The following IGSF10 variants were observed in gnomAD, a reference collection of about 807,000 sequenced individuals.
The protein encoded by IGSF10 is immunoglobulin superfamily member 10.
Under a neutral mutation model 128.2 loss-of-function variants are expected in IGSF10, and 126 were observed. That is an observed-to-expected ratio of 0.98 (90% CI 0.85 to 1.14). IGSF10 has a LOEUF of 1.14. IGSF10 is among the 50% of genes most tolerant of loss of function. IGSF10 has a pLI of 0.00. For synonymous variants in IGSF10, 1,185 were observed against 1,146.2 expected (o/e 1.03, Z -0.68); for missense variants, 3,295 against 3,149.8 (o/e 1.05, Z -1.10).
At chr3:151,511,363 A>C in the IGSF10 span, among the ~76,000 whole-genome samples, 125,298 of 152,114 alleles carry the variant, frequency 0.82, 51,686 homozygotes, top group Middle Eastern at 0.93. Context: ...TCCAGCCAAA[A>C]TAAGCTTCAT....
At chr3:151,547,831 G>T in the IGSF10 span, among the ~76,000 whole-genome samples, 1 of 152,286 alleles carries the variant, frequency 6.6e-6, no homozygotes, top group East Asian at 1.9e-4. Context: ...CTTGCAAATG[G>T]AATTCTAGGT....
chr3:151,541,458 C>A, the IGSF10 span, among the ~76,000 whole-genome samples: 1 of 152,088 alleles, frequency 6.6e-6, no homozygotes, highest in Non-Finnish European at 1.5e-5. Context: ...GCCATAAATT[C>A]AGTTTTCTTA....
downstream of IGSF10, chr3:151,434,461 A>G (rs1276229145): frequency 6.6e-6 from 1 of 152,184 alleles, no homozygotes; most frequent in Non-Finnish European, 1.5e-5. Context: ...GCTGGAAAAG[A>G]CTTTGCCAAA....
the IGSF10 span, among the ~76,000 whole-genome samples, chr3:151,553,447 CA>C: frequency 6.6e-6 from 1 of 151,914 alleles, no homozygotes; most frequent in Admixed American, 6.6e-5. Context: ...GTTCTTAAAG[CA>C]ATACTTAGAT....
chr3:151,580,739 G>T, the IGSF10 span, among the ~76,000 whole-genome samples: 1 of 152,154 alleles, frequency 6.6e-6, no homozygotes, highest in Non-Finnish European at 1.5e-5. Flanking sequence ...TTCTACTGTG[G>T]TTCAGTTTCC....
chr3:151,481,457 C>G, the IGSF10 span, among the ~76,000 whole-genome samples: 2 of 152,156 alleles, frequency 1.3e-5, no homozygotes, highest in Admixed American at 6.5e-5. Context: ...AATTCAAGGC[C>G]TGAGGCTCTG....
At chr3:151,501,083 G>A in the IGSF10 span, among the ~76,000 whole-genome samples, 9 of 152,010 alleles carry the variant, frequency 5.9e-5, no homozygotes, top group African/African-American at 2.2e-4. Context: ...TACCACAGTG[G>A]TAACAAAAGC....
chr3:151,613,659 T>C, the IGSF10 span, among the ~76,000 whole-genome samples: 1 of 152,208 alleles, frequency 6.6e-6, no homozygotes, highest in East Asian at 1.9e-4. Context: ...CCTTACACCT[T>C]ATACAAAAAT....
chr3:151,468,745 T>G, the IGSF10 span, among the ~76,000 whole-genome samples: 1 of 152,318 alleles, frequency 6.6e-6, no homozygotes, highest in Middle Eastern at 3.4e-3. Flanking sequence ...TTTTTAAAAT[T>G]TATTTTACGT....
chr3:151,432,534 C>T (rs1719652626), downstream of IGSF10, among the ~76,000 whole-genome samples: 1 of 152,202 alleles, frequency 6.6e-6, no homozygotes, highest in South Asian at 2.1e-4. Flanking sequence ...ATCCTGCGGC[C>T]TTGCATTGGC....
At chr3:151,617,311 TTCTTCTTCCCCTCCTCCTCCTCCC>T in the IGSF10 span, among the ~76,000 whole-genome samples, 2 of 125,314 alleles carry the variant, frequency 1.6e-5, no homozygotes, top group African/African-American at 6.2e-5. Flanking sequence ...CTTCTTCTTC[TTCTTCTTCCCCTCCTCCTCCTCCC>T]CCTCCTCCTC....
rs375529138 is a variant in IGSF10 at position 151,437,477 on chromosome 3, C to A, written c.7084G>T (p.Asp2362Tyr). The change falls in exon 8 of 8, where the codon GAT becomes TAT. Residue 2362 changes from aspartate to tyrosine, a missense_variant. Physicochemically the swap from Asp to Tyr is radical, Grantham distance 160. Transcript: ENST00000282466. ...GKSTALNCSV[D>Y]GNPPPEIIWI... The stretch of plus-strand genomic sequence containing the variant: ...ATTATTTCAGGTGGTGGGTTACCAT[C>A]AACAGAGCAATTCAATGCTGTGGAC... 5 of 1,614,186 alleles carry A rather than the reference C, an allele frequency of 3.1e-6. No homozygotes were observed. Among genetic ancestry groups the A allele is most frequent in the Non-Finnish European group, 4.2e-6 (5 of 1,180,040 alleles).
At chr3:151,468,889 C>G in the IGSF10 span, among the ~76,000 whole-genome samples, 1 of 152,168 alleles carries the variant, frequency 6.6e-6, no homozygotes, top group Admixed American at 6.5e-5. Context: ...CTCTCCCTCC[C>G]CCTGCCCTGC....
the IGSF10 span, among the ~76,000 whole-genome samples, chr3:151,479,784 G>C: frequency 6.6e-6 from 1 of 152,208 alleles, no homozygotes; most frequent in East Asian, 1.9e-4. Flanking sequence ...TCTGCAAACA[G>C]ACACATTTAA....
At chr3:151,574,230 G>C in the IGSF10 span, among the ~76,000 whole-genome samples, 1 of 152,120 alleles carries the variant, frequency 6.6e-6, no homozygotes, top group African/African-American at 2.4e-5. Flanking sequence ...TCTTTGTAGT[G>C]TTCTCTGTAT....
the IGSF10 span, among the ~76,000 whole-genome samples, chr3:151,507,712 A>G: frequency 6.6e-6 from 1 of 152,202 alleles, no homozygotes; most frequent in South Asian, 2.1e-4. Context: ...GCATGAGGGT[A>G]ACCACTACCA....
chr3:151,607,638 G>A, the IGSF10 span, among the ~76,000 whole-genome samples: 3 of 152,044 alleles, frequency 2.0e-5, no homozygotes, highest in African/African-American at 7.2e-5. Context: ...TGGGCCAGGC[G>A]CGGTGGCTCA....
At chr3:151,565,436 G>A in the IGSF10 span, among the ~76,000 whole-genome samples, 3 of 152,274 alleles carry the variant, frequency 2.0e-5, no homozygotes, top group African/African-American at 7.2e-5. Flanking sequence ...GTAAGGTCTG[G>A]TTTACTGGCA....
At position 151,448,879 on chromosome 3, in the gene IGSF10, A is replaced by T. The variant is rs756342518; in HGVS notation, c.1102T>A (p.Tyr368Asn). The T allele has an allele frequency of 1.9e-6, 3 of 1,614,242 alleles. No homozygotes were observed. The highest frequency in any genetic ancestry group is 1.7e-6 in the Non-Finnish European group (2 of 1,180,044). ...TGCCACACTGGCTGAATGTGACCGT[A>T]ATCTATGTTGCACACCAAAAATGTT... Reference protein sequence around the residue: ...FSTFLVCNIDYGHIQPVWQIL... With the variant: ...FSTFLVCNIDNGHIQPVWQIL... Residue 368 changes from tyrosine (Y) to asparagine (N), a missense_variant, in exon 6 of 8, where the codon TAC becomes AAC. Transcript: ENST00000282466.
Sources: gnomAD v4.1 joint callset for allele counts (sites outside exome capture counted in the v4.1 genomes callset) on GRCh38, gnomAD v4.1.1 for gene constraint, MANE v1.5 for transcripts, NCBI Gene and HGNC (gene_info 2026-07-23, HGNC 2026-07-21) for gene names.